ADCK5: variants seen among roughly 807,000 people sequenced by gnomAD.
ADCK5 encodes uncharacterized aarF domain-containing protein kinase 5.
In ADCK5, 43 loss-of-function variants were observed where a neutral mutation model predicts 64.9. The ratio of observed to expected loss-of-function variants is 0.66; its 90% CI spans 0.52 to 0.85. ADCK5 has a LOEUF of 0.85. ADCK5 is among the 40% of genes least tolerant of loss of function. The pLI is 0.00. For synonymous variants in ADCK5, 434 were observed against 342.8 expected, an observed-to-expected ratio of 1.27 and a Z score of -2.94; for missense variants, 760 against 810.5, an observed-to-expected ratio of 0.94 and a Z score of 0.76.
intron 3 of ADCK5, among the ~76,000 whole-genome samples, chr8:144,389,831 C>CT (rs1240504555): frequency 0.011 from 1,515 of 136,026 alleles, 19 homozygotes; most frequent in African/African-American, 0.033. Flanking sequence ...AGCCCAGCCT[C>CT]TTTTTTTTTT....
At chr8:144,375,782 C>A in intron 1 of ADCK5, 1 of 538,260 alleles carries the variant, frequency 1.9e-6, no homozygotes. Context: ...TGACAGGGGG[C>A]ACCCGTTTCA....
chr8:144,393,210 T>C lies in ADCK5; in HGVS notation c.*136T>C. On this transcript the variant is annotated 3_prime_UTR_variant, in exon 15 of 15. Transcript: ENST00000308860. ...TGACAGCAGCTGGGCCAGGAGGCCG[T>C]GTAATGACCACACACTCCTCTCAAG... 2 of 1,358,416 alleles carry C rather than the reference T, an allele frequency of 1.5e-6. No individual in the cohort carries two copies. Among genetic ancestry groups the C allele is most frequent in the Non-Finnish European group, 2.0e-6 (2 of 1,014,032 alleles). The allele number at this position is 1,358,416 out of a possible 1,614,324, so 84.1% of individuals were successfully genotyped here.
Position 144,383,140 on chromosome 8 carries a change from C to T in ADCK5, c.176C>T (p.Pro59Leu). 6.3e-7 allele frequency: 1 copy of T among 1,589,590 alleles called. No homozygotes were observed. Among genetic ancestry groups the T allele is most frequent in the Non-Finnish European group, 8.6e-7 (1 of 1,168,362 alleles). The stretch of plus-strand genomic sequence containing the variant: ...CTCTCCACCGCGGTAGTGGGGGCGC[C>T]CCTGCTCCTCGGAGCCCGCTATGTC... ...KVLSTAVVGA[P>L]LLLGARYVMA... The change falls in exon 3 of 15, where the codon CCC becomes CTC. Residue 59 changes from proline to leucine, a missense_variant. By Grantham distance (98) the Pro-to-Leu change is moderately conservative (BLOSUM62 -3). This residue lies in a region of ADCK5 where 427 missense variants were observed against 518.4 expected (regional missense o/e 0.82). Coordinates refer to ENST00000308860, the MANE Select transcript of ADCK5 (RefSeq NM_174922.5).
chr8:144,392,642 G>A lies in ADCK5; in HGVS notation c.1465G>A (p.Ala489Thr), dbSNP rs1554861425. The A allele has an allele frequency of 3.1e-6, 5 of 1,594,358 alleles. No homozygotes were observed. The highest frequency in any genetic ancestry group is 1.7e-5 in the Admixed American group (1 of 58,756). ...LVLRNINTVR[A>T]INVALGAPVD... ...GCTGCGCAACATCAACACCGTGCGC[G>A]CTATCAACGTGGCCCTCGGCGCCCC... The change falls in exon 13 of 15, where the codon GCT (alanine) becomes ACT (threonine). Residue 489 changes from alanine to threonine, a missense_variant. By Grantham distance (58) the Ala-to-Thr change is moderately conservative (BLOSUM62 0). Transcript: ENST00000308860.
At chr8:144,374,045 G>A, upstream of ADCK5, 2 of 1,244,046 alleles carry the variant, frequency 1.6e-6, no homozygotes, top group Non-Finnish European at 2.0e-6. Flanking sequence ...CTGCTGGGCT[G>A]CGAGACGCTA....
chr8:144,383,108 G>A lies in ADCK5; in HGVS notation c.144G>A (p.Arg48=). 1 of 1,588,626 alleles carries A rather than the reference G, an allele frequency of 6.3e-7. No homozygotes were observed. The highest frequency in any genetic ancestry group is 1.1e-5 in the South Asian group (1 of 87,148). Reference sequence around the variant, plus strand: ...TCTCCAGCCCCACACCCCTGTGGAGGAAGGTGCTCTCCACCGCGGTAGTGG... The same window carrying A: ...TCTCCAGCCCCACACCCCTGTGGAGAAAGGTGCTCTCCACCGCGGTAGTGG... The part of the protein sequence containing the change: ...PRFSSPTPLW[R]KVLSTAVVGA... The change falls in exon 3 of 15, where the codon AGG becomes AGA. Residue 48 remains arginine (R), a synonymous_variant. Transcript: ENST00000308860.
At position 144,383,135 on chromosome 8, in the gene ADCK5, G is replaced by A; in HGVS notation, c.171G>A (p.Gly57=). Residue 57 remains glycine, a synonymous_variant, in exon 3 of 15, where the codon GGG becomes GGA. Transcript: ENST00000308860. The part of the protein sequence containing the change: ...WRKVLSTAVV[G]APLLLGARYV... ...AGGTGCTCTCCACCGCGGTAGTGGG[G>A]GCGCCCCTGCTCCTCGGAGCCCGCT... 5 of 1,587,652 alleles carry A rather than the reference G, an allele frequency of 3.1e-6. No individual in the cohort carries two copies. The highest frequency in any genetic ancestry group is 4.3e-6 in the Non-Finnish European group (5 of 1,167,286).
At chr8:144,375,542 C>G in intron 1 of ADCK5, 1 of 985,460 alleles carries the variant, frequency 1.0e-6, no homozygotes, top group Non-Finnish European at 1.2e-6. Context: ...CTGCATCCTC[C>G]TCATCTGCAG....
chr8:144,375,762 TGA>T, intron 1 of ADCK5: 1 of 723,964 alleles, frequency 1.4e-6, no homozygotes, highest in Non-Finnish European at 1.7e-6. Context: ...TAAGAAAGCA[TGA>T]GAGGTTCTGA....
chr8:144,392,938 C>CTA, intron 14 of ADCK5, 31 bp from the exon 15 acceptor site: 1 of 1,576,410 alleles, frequency 6.3e-7, no homozygotes, highest in African/African-American at 1.5e-5. Context: ...TGCTCCCCAC[C>CTA]CACCTGTGAC....
At chr8:144,388,264 G>A (rs1554859630) in intron 3 of ADCK5, among the ~76,000 whole-genome samples, 3 of 151,472 alleles carry the variant, frequency 2.0e-5, no homozygotes. Context: ...GGCTGAGGCG[G>A]GAGAATTGCT....
intron 1 of ADCK5, among the ~76,000 whole-genome samples, chr8:144,375,872 G>T (rs1461911601): frequency 6.6e-5 from 10 of 152,164 alleles, no homozygotes; most frequent in Non-Finnish European, 1.5e-4. Context: ...GGTGTGTTGG[G>T]GGAAGGCCCT....
In ADCK5 at chr8:144,390,991, C is replaced by T. The variant is rs1820192265; in HGVS notation, c.478C>T (p.Pro160Ser). Reference protein sequence around the residue: ...QGLCSFNHLLPPEYTRTLRVL... With the variant: ...QGLCSFNHLLSPEYTRTLRVL... ...GCTGTGCTCCTTCAACCACCTGCTT[C>T]CCCCCGAGTATACCCGGACCCTGCG... is the stretch of plus-strand genomic sequence containing the variant. Residue 160 changes from proline to serine, a missense_variant, in exon 5 of 15, where the codon CCC becomes TCC. Physicochemically the swap from Pro to Ser is moderately conservative, Grantham distance 74. Coordinates refer to ENST00000308860, the MANE Select transcript of ADCK5 (RefSeq NM_174922.5). 3 of 1,612,986 alleles carry T rather than the reference C, an allele frequency of 1.9e-6. No homozygotes were observed. Among genetic ancestry groups the T allele is most frequent in the Non-Finnish European group, 2.5e-6 (3 of 1,179,976 alleles).
upstream of ADCK5, chr8:144,373,828 C>T: frequency 2.7e-6 from 1 of 365,214 alleles, no homozygotes; most frequent in Non-Finnish European, 4.9e-6. Flanking sequence ...CCGGGGAATG[C>T]GCAGTGCGCC....
rs781969865 is a variant in ADCK5 at position 144,390,862 on chromosome 8, C to T, written c.349C>T (p.Pro117Ser). 1.2e-6 allele frequency: 2 copies of T among 1,612,914 alleles called. No individual in the cohort carries two copies. The highest frequency in any genetic ancestry group is 2.2e-5 in the South Asian group (2 of 91,054). ...VVLRGVEENS[P>S]GYLEVMSACH... ...TCCCCATGCCTGTGGTCAGAACAGC[C>T]CAGGCTACTTGGAGGTGATGTCTGC... Residue 117 changes from proline to serine, a missense_variant, in exon 5 of 15, where the codon CCA becomes TCA. Pro to Ser is a moderately conservative substitution (Grantham distance 74, BLOSUM62 -1). Coordinates refer to ENST00000308860, the MANE Select transcript of ADCK5 (RefSeq NM_174922.5).
At chr8:144,390,810 G>T (rs200341079) in intron 4 of ADCK5, 46 bp from the exon 5 acceptor site, 3 of 1,607,010 alleles carry the variant, frequency 1.9e-6, no homozygotes, top group Non-Finnish European at 2.6e-6. Context: ...TGGGACTGAG[G>T]AGGCAGCCAC....
chr8:144,377,079 G>A (rs1554857272), intron 1 of ADCK5, among the ~76,000 whole-genome samples: 1 of 152,220 alleles, frequency 6.6e-6, no homozygotes, highest in Non-Finnish European at 1.5e-5. Flanking sequence ...TGAGGACCAT[G>A]TTAGCGTCTG....
rs782528655 is a variant in ADCK5, at chr8:144,391,568, T to C, written c.799-12T>C. On this transcript the variant is annotated splice_polypyrimidine_tract_variant and intron_variant, in intron 7 of 14. Transcript: ENST00000308860. Reference sequence around the variant, plus strand: ...AGGCAGAGCTGGTCTTCAACCGCCATCTGGCCCCCAGGACCTGAAGGGGAC... The same window carrying C: ...AGGCAGAGCTGGTCTTCAACCGCCACCTGGCCCCCAGGACCTGAAGGGGAC... 6.3e-7 allele frequency: 1 copy of C among 1,582,390 alleles called. No individual in the cohort carries two copies. Among genetic ancestry groups the C allele is most frequent in the Non-Finnish European group, 8.5e-7 (1 of 1,169,614 alleles).
intron 12 of ADCK5, 48 bp downstream of exon 12, chr8:144,392,393 G>GT: frequency 2.0e-6 from 3 of 1,488,422 alleles, no homozygotes; most frequent in South Asian, 1.3e-5. Context: ...GGAGTCGGGC[G>GT]GCGCGGAACC....
Sources: gnomAD v4.1 joint callset for allele counts (sites outside exome capture counted in the v4.1 genomes callset) on GRCh38, gnomAD v4.1.1 for gene constraint, gnomAD v4.1.1 regional missense constraint, MANE v1.5 for transcripts, NCBI Gene and HGNC (gene_info 2026-07-23, HGNC 2026-07-21) for gene names.